The following NRBP2 variants were observed in gnomAD, a reference collection of about 807,000 sequenced individuals.
NRBP2 encodes nuclear receptor-binding protein 2.
A neutral mutation model predicts 74.4 loss-of-function variants in NRBP2; 47 were observed. That is an observed-to-expected ratio of 0.63 (90% CI 0.50 to 0.81). The LOEUF (loss-of-function observed/expected upper bound fraction) is 0.81, where lower values mean the gene tolerates loss of function less well. Ranked by LOEUF, NRBP2 falls within the 30% of genes least tolerant of loss-of-function variation. NRBP2 has a pLI of 0.00. For synonymous variants in NRBP2, 312 were observed against 273.8 expected, an observed-to-expected ratio of 1.14 and a Z score of -1.38; for missense variants, 613 against 690.1, an observed-to-expected ratio of 0.89 and a Z score of 1.25.
chr8:143,835,712 C>CCAGCTTCATCCGGT lies in NRBP2; in HGVS notation c.1442_1455dup (p.Ala486ThrfsTer3). 1 of 1,599,900 alleles carries CCAGCTTCATCCGGT rather than the reference C, an allele frequency of 6.3e-7. No individual in the cohort carries two copies. Among genetic ancestry groups the CCAGCTTCATCCGGT allele is most frequent in the Non-Finnish European group, 8.5e-7 (1 of 1,174,440 alleles). ...AGGAAGGTGCTCTCCAGGAAGGCGGCCAGCTTCATCCGGTCGTCCTGCGGA... is the reference window on the plus strand; with the variant it reads ...AGGAAGGTGCTCTCCAGGAAGGCGGCCAGCTTCATCCGGTCAGCTTCATCCGGTCGTCCTGCGGA... On this transcript the variant is annotated stop_gained and frameshift_variant, in exon 18 of 18. Transcript: ENST00000442628. LOFTEE classifies it high-confidence loss of function. This position sits in a 1 kb window ranked among gnomAD's most constrained non-coding sequence, Gnocchi z 4.9.
downstream of NRBP2, among the ~76,000 whole-genome samples, chr8:143,832,526 C>G (rs530485916): frequency 3.3e-5 from 5 of 152,384 alleles, no homozygotes; most frequent in South Asian, 6.2e-4. Flanking sequence ...CCATATAAAA[C>G]CTGATTGCAT....
At chr8:143,836,213 C>G in intron 14 of NRBP2, 33 bp from the exon 15 acceptor site, 6 of 1,509,114 alleles carry the variant, frequency 4.0e-6, no homozygotes, top group Non-Finnish European at 5.3e-6. Context: ...CTCACAAACC[C>G]AGCAGCAAGA....
rs1183814734 is a variant in NRBP2 at position 143,834,131 on chromosome 8, G to GT, written c.*1530dup. On this transcript the variant is annotated 3_prime_UTR_variant, in exon 18 of 18. Transcript: ENST00000442628. ...ATGGCAAAATGTGTCCTGCAGATGT[G>GT]TTTAATATTAAAAACCTTGAGGAGG... The GT allele has an allele frequency of 6.6e-6, 1 of 152,210 alleles. No homozygotes were observed. Among genetic ancestry groups the GT allele is most frequent in the Non-Finnish European group, 1.5e-5 (1 of 68,054 alleles). The allele number at this position is 152,210 out of a possible 1,614,324, so 9.4% of individuals were successfully genotyped here.
chr8:143,840,788 C>G lies in NRBP2; in HGVS notation c.47G>C (p.Arg16Pro). 2 of 1,504,864 alleles carry G rather than the reference C, an allele frequency of 1.3e-6. No homozygotes were observed. The highest frequency in any genetic ancestry group is 1.8e-6 in the Non-Finnish European group (2 of 1,132,802). 93.2% of individuals were successfully genotyped at this position (1,504,864 alleles called of 1,614,324 possible). Residue 16 changes from arginine to proline, a missense_variant, in exon 1 of 18, where the codon CGG becomes CCG. Transcript: ENST00000442628. The surrounding 1 kb of genome is among the most constrained non-coding windows in gnomAD (Gnocchi z 5.7). ...PAPRRARERE[R>P]EREDESEDES... ...GTCCTCGCTCTCGTCCTCCCGCTCC[C>G]GCTCCCGTTCCCGGGCCCGCCTCGG...
intron 10 of NRBP2, chr8:143,838,004 G>C (rs1554652432): frequency 1.4e-6 from 1 of 696,026 alleles, no homozygotes; most frequent in Non-Finnish European, 2.6e-6. Flanking sequence ...AAAAATCGTG[G>C]GGAGAAGCCA....
downstream of NRBP2, among the ~76,000 whole-genome samples, chr8:143,831,935 A>G (rs1188650161): frequency 6.6e-6 from 1 of 152,246 alleles, no homozygotes; most frequent in Non-Finnish European, 1.5e-5. Flanking sequence ...CAACCAAGCC[A>G]AGCTTTTTGT....
Position 143,840,267 on chromosome 8 carries a change from T to C in NRBP2, c.130-38A>G. 2 of 1,534,364 alleles carry C rather than the reference T, an allele frequency of 1.3e-6. No homozygotes were observed. The highest frequency in any genetic ancestry group is 1.7e-6 in the Non-Finnish European group (2 of 1,145,844). ...AAAGGGTTATGTGTGCCCTGGTGTG[T>C]GTCAGGGTTGTGGGTGAGGATTTGG... On this transcript the variant is annotated intron_variant, in intron 1 of 17. Transcript: ENST00000442628. The surrounding 1 kb of genome is among the most constrained non-coding windows in gnomAD (Gnocchi z 5.7).
chr8:143,835,476 C>G lies in NRBP2; in HGVS notation c.*186G>C. 1 of 661,996 alleles carries G rather than the reference C, an allele frequency of 1.5e-6. No individual in the cohort carries two copies. Among genetic ancestry groups the G allele is most frequent in the Non-Finnish European group, 2.7e-6 (1 of 374,604 alleles). 41.0% of individuals were successfully genotyped at this position (661,996 alleles called of 1,614,324 possible). A position where few individuals can be genotyped will look rare whatever the true frequency, so the allele number is the denominator to read the frequency against. On this transcript the variant is annotated 3_prime_UTR_variant, in exon 18 of 18. Coordinates refer to ENST00000442628, the MANE Select transcript of NRBP2 (RefSeq NM_178564.4). This position sits in a 1 kb window ranked among gnomAD's most constrained non-coding sequence, Gnocchi z 4.9. ...AGGCCTAACGGCTCCCCCACACCCA[C>G]CCCCCAACCCCTCGGCGCCCAAGGC...
intron 10 of NRBP2, 90 bp downstream of exon 10, chr8:143,838,588 CTG>C (rs1460123330): frequency 5.5e-6 from 5 of 915,634 alleles, no homozygotes; most frequent in Non-Finnish European, 8.4e-6. Context: ...ACTGCACAAA[CTG>C]TGATGTTCTC....
In NRBP2 at chr8:143,840,879, G is replaced by C. The variant is rs1201683555; in HGVS notation, c.-45C>G. 3.3e-4 allele frequency: 418 copies of C among 1,278,836 alleles called. 1 individual carries two copies. The highest frequency in any genetic ancestry group is 3.9e-4 in the Non-Finnish European group (401 of 1,020,100). The allele number at this position is 1,278,836 out of a possible 1,614,324, so 79.2% of individuals were successfully genotyped here. ...ACCGCCCTCTGCGCGATCCGCCGCC[G>C]GCGCAGCCTCTCCCGGCCCGCCCTG... On this transcript the variant is annotated 5_prime_UTR_variant, in exon 1 of 18. Coordinates refer to ENST00000442628, the MANE Select transcript of NRBP2 (RefSeq NM_178564.4). This position sits in a 1 kb window ranked among gnomAD's most constrained non-coding sequence, Gnocchi z 5.7.
intron 10 of NRBP2, chr8:143,838,073 G>C: frequency 1.7e-6 from 1 of 602,738 alleles, no homozygotes; most frequent in Admixed American, 2.4e-5. Flanking sequence ...GGCTCAGCTC[G>C]GGCCCAACAC....
At position 143,835,464 on chromosome 8, in the gene NRBP2, C is replaced by T. The variant is rs1554651189; in HGVS notation, c.*198G>A. 1 of 657,316 alleles carries T rather than the reference C, an allele frequency of 1.5e-6. No homozygotes were observed. The highest frequency in any genetic ancestry group is 2.7e-6 in the Non-Finnish European group (1 of 369,270). 40.7% of individuals were successfully genotyped at this position (657,316 alleles called of 1,614,324 possible). A position where few individuals can be genotyped will look rare whatever the true frequency, so the allele number is the denominator to read the frequency against. On this transcript the variant is annotated 3_prime_UTR_variant, in exon 18 of 18. Transcript: ENST00000442628. The surrounding 1 kb of genome is among the most constrained non-coding windows in gnomAD (Gnocchi z 4.9). ...TAAGGACCTGGGAGGCCTAACGGCT[C>T]CCCCACACCCACCCCCCAACCCCTC...
rs551554238 is a variant in NRBP2, at chr8:143,840,114, G to T, written c.245C>A (p.Ala82Glu). ...LHFGDRKAFA[A>E]HEEKIQTVFE... ...AGGGGGCAGCGGTCTCACCTCGTGCGCCGCGAAGGCCTTCCTGTCTCCGAA... is the reference window on the plus strand; with the variant it reads ...AGGGGGCAGCGGTCTCACCTCGTGCTCCGCGAAGGCCTTCCTGTCTCCGAA... The change falls in exon 2 of 18, where the codon GCG becomes GAG. Residue 82 changes from alanine to glutamate, a missense_variant. By Grantham distance (107) the Ala-to-Glu change is moderately radical. Coordinates refer to ENST00000442628, the MANE Select transcript of NRBP2 (RefSeq NM_178564.4). The surrounding 1 kb of genome is among the most constrained non-coding windows in gnomAD (Gnocchi z 5.7). The T allele has an allele frequency of 2.1e-5, 33 of 1,536,138 alleles. No homozygotes were observed. The highest frequency in any genetic ancestry group is 2.7e-5 in the African/African-American group (2 of 73,162).
Position 143,835,574 on chromosome 8 carries a change from G to T in NRBP2, c.*88C>A. On this transcript the variant is annotated 3_prime_UTR_variant, in exon 18 of 18. Coordinates refer to ENST00000442628, the MANE Select transcript of NRBP2 (RefSeq NM_178564.4). The surrounding 1 kb of genome is among the most constrained non-coding windows in gnomAD (Gnocchi z 4.9). ...GCCTTTGTGCTCCCAGGCGCATGGA[G>T]GAGGGCAGCCCCACGGTGCTGGAGT... 1.8e-6 allele frequency: 2 copies of T among 1,129,930 alleles called. No individual in the cohort carries two copies. The highest frequency in any genetic ancestry group is 2.5e-6 in the Non-Finnish European group (2 of 796,352). The allele number at this position is 1,129,930 out of a possible 1,614,324, so 70.0% of individuals were successfully genotyped here.
At chr8:143,831,536 G>C (rs113177029), downstream of NRBP2, among the ~76,000 whole-genome samples, 1,514 of 152,326 alleles carry the variant, frequency 9.9e-3, 28 homozygotes, top group African/African-American at 0.034. Context: ...TGGGAGGATT[G>C]CTGGAGCCCA....
chr8:143,832,570 A>G (rs1818202297), downstream of NRBP2, among the ~76,000 whole-genome samples: 1 of 152,276 alleles, frequency 6.6e-6, no homozygotes, highest in African/African-American at 2.4e-5. Context: ...AAACCGCCTT[A>G]GGGCTGGAGG....
Position 143,839,699 on chromosome 8 carries a change from T to C in NRBP2, c.444+37A>G. Reference sequence around the variant, plus strand: ...AGTCCCCGAGGCTGCCCCAACCCCGTCCTGTCCCCGTGGCTGCCCCAGCCC... The same window carrying C: ...AGTCCCCGAGGCTGCCCCAACCCCGCCCTGTCCCCGTGGCTGCCCCAGCCC... On this transcript the variant is annotated intron_variant, in intron 4 of 17. Coordinates refer to ENST00000442628, the MANE Select transcript of NRBP2 (RefSeq NM_178564.4). The surrounding 1 kb of genome is among the most constrained non-coding windows in gnomAD (Gnocchi z 5.1). The C allele has an allele frequency of 1.3e-6, 2 of 1,533,218 alleles. No homozygotes were observed. The highest frequency in any genetic ancestry group is 1.7e-6 in the Non-Finnish European group (2 of 1,145,970). 95.0% of individuals were successfully genotyped at this position (1,533,218 alleles called of 1,614,324 possible).
Position 143,840,063 on chromosome 8 carries a change from CA to C in NRBP2, c.253-34del. 5 of 1,536,142 alleles carry C rather than the reference CA, an allele frequency of 3.3e-6. No homozygotes were observed. Among genetic ancestry groups the C allele is most frequent in the Non-Finnish European group, 4.4e-6 (5 of 1,146,910 alleles). On this transcript the variant is annotated intron_variant, in intron 2 of 17. Transcript: ENST00000442628. The surrounding 1 kb of genome is among the most constrained non-coding windows in gnomAD (Gnocchi z 5.7). ...GGGAGGGTGGTCGCTGGGTGGTCAG[CA>C]GGTGGTCACCCAAGCAGGATGAGGA... is the stretch of plus-strand genomic sequence containing the variant.
In NRBP2 at chr8:143,840,737, G is replaced by T. The variant is rs1554653515; in HGVS notation, c.98C>A (p.Pro33Gln). 1 of 1,510,618 alleles carries T rather than the reference G, an allele frequency of 6.6e-7. No individual in the cohort carries two copies. Among genetic ancestry groups the T allele is most frequent in the South Asian group, 1.2e-5 (1 of 81,688 alleles). The allele number at this position is 1,510,618 out of a possible 1,614,324, so 93.6% of individuals were successfully genotyped here. A position where few individuals can be genotyped will look rare whatever the true frequency, so the allele number is the denominator to read the frequency against. The change falls in exon 1 of 18, where the codon CCG (proline) becomes CAG (glutamine). Residue 33 changes from proline to glutamine, a missense_variant. Physicochemically the swap from Pro to Gln is moderately conservative, Grantham distance 76. Around this residue, in one of 2 missense-constraint regions of NRBP2, gnomAD observed 332 missense variants for 429.2 expected, o/e 0.77. Transcript: ENST00000442628. This position sits in a 1 kb window ranked among gnomAD's most constrained non-coding sequence, Gnocchi z 5.7. The stretch of plus-strand genomic sequence containing the variant: ...CCGTCGCTTTTGCCAGCGACCACAC[G>T]GGCTTTCCTCCAGGATGTCGCTCTC... ...EDESDILEES[P>Q]CGRWQKRREQ...
Sources: gnomAD v4.1 joint callset for allele counts (sites outside exome capture counted in the v4.1 genomes callset) on GRCh38, gnomAD v4.1.1 for gene constraint, gnomAD v4.1.1 regional missense constraint, Gnocchi (gnomAD v3.1) non-coding constraint, MANE v1.5 for transcripts, NCBI Gene and HGNC (gene_info 2026-07-23, HGNC 2026-07-21) for gene names.